The following CPSF7 variants were observed in gnomAD, a reference collection of about 807,000 sequenced individuals.
The protein encoded by CPSF7 is cleavage and polyadenylation specific factor 7.
In CPSF7, 1 loss-of-function variant was observed where a neutral mutation model predicts 44.3. The ratio of observed to expected loss-of-function variants is 0.02; its 90% CI spans 0.01 to 0.11. The LOEUF (loss-of-function observed/expected upper bound fraction) is 0.11, where lower values mean the gene tolerates loss of function less well. Ranked by LOEUF, CPSF7 falls within the 10% of genes least tolerant of loss-of-function variation. The pLI is 1.00. For synonymous variants in CPSF7, 202 were observed against 222.0 expected, an observed-to-expected ratio of 0.91 and a Z score of 0.80; for missense variants, 443 against 607.2, an observed-to-expected ratio of 0.73 and a Z score of 2.84.
intron 9 of CPSF7, 36 bp from the exon 10 acceptor site, chr11:61,404,740 A>C (rs1302873471): frequency 6.6e-6 from 1 of 152,260 alleles, no homozygotes; most frequent in East Asian, 1.9e-4. Flanking sequence ...GAAAGAAAAC[A>C]CAAGTTAGAG....
At position 61,421,485 on chromosome 11, in the gene CPSF7, A is replaced by G. The variant is rs1254532632; in HGVS notation, c.178T>C (p.Ser60Pro). The G allele has an allele frequency of 1.2e-6, 2 of 1,614,058 alleles. No individual in the cohort carries two copies. The highest frequency in any genetic ancestry group is 4.5e-5 in the East Asian group (2 of 44,858). The change falls in exon 3 of 10, where the codon TCT becomes CCT. Residue 60 changes from serine to proline, a missense_variant. Transcript: ENST00000439958. ...EPPPPVRQEP[S>P]PKPNNKTPAI... ...GGGGTCTTGTTGTTGGGCTTGGGAG[A>G]TGGCTCCTGGCGAACAGGAGGAGGT...
chr11:61,424,174 GGA>G (rs1428938721), intron 2 of CPSF7, among the ~76,000 whole-genome samples: 1 of 152,180 alleles, frequency 6.6e-6, no homozygotes, highest in African/African-American at 2.4e-5. Context: ...TAAAGAATGA[GGA>G]GAGAAGCTAA....
intron 2 of CPSF7, among the ~76,000 whole-genome samples, chr11:61,423,116 A>C (rs1484320056): frequency 6.7e-6 from 1 of 149,510 alleles, no homozygotes; most frequent in African/African-American, 2.4e-5. Flanking sequence ...AAAAAAAAAA[A>C]AAAAAAAAAA....
At chr11:61,415,201 G>A (rs1454879823) in intron 7 of CPSF7, among the ~76,000 whole-genome samples, 16 of 152,304 alleles carry the variant, frequency 1.1e-4, no homozygotes, top group Non-Finnish European at 2.9e-5. Flanking sequence ...TTGCACCACT[G>A]CACTCCAGCC....
At chr11:61,411,228 T>C (rs1329515886) in intron 8 of CPSF7, 123 bp from the exon 9 acceptor site, 2 of 965,044 alleles carry the variant, frequency 2.1e-6, no homozygotes, top group Non-Finnish European at 3.0e-6. Flanking sequence ...ATGGGCCTGC[T>C]GTCTGAGGAT....
Position 61,410,922 on chromosome 11 carries a change from C to T in CPSF7, c.*5+16G>A, listed in dbSNP as rs200407063. 116 of 1,558,884 alleles carry T rather than the reference C, an allele frequency of 7.4e-5. No individual in the cohort carries two copies. Among genetic ancestry groups the T allele is most frequent in the Admixed American group, 3.2e-4 (15 of 46,958 alleles). On this transcript the variant is annotated intron_variant, in intron 9 of 9. Coordinates refer to ENST00000439958, the MANE Select transcript of CPSF7 (RefSeq NM_001142565.3). The stretch of plus-strand genomic sequence containing the variant: ...TAAAAAATCCCCCAGCAGCCAGGAA[C>T]GGGGCTTCTCCCCACCTTTCTCAGT...
At chr11:61,429,843 C>T in intron 1 of CPSF7, 71 bp downstream of exon 1, 1 of 1,545,830 alleles carries the variant, frequency 6.5e-7, no homozygotes, top group Non-Finnish European at 8.7e-7. Context: ...CAACCGACCC[C>T]CTTCCCGCCT....
intron 2 of CPSF7, among the ~76,000 whole-genome samples, chr11:61,423,564 A>C (rs1247813166): frequency 6.6e-6 from 1 of 152,226 alleles, no homozygotes; most frequent in African/African-American, 2.4e-5. Flanking sequence ...AATGCTGCCA[A>C]AATGACAGAG....
At chr11:61,422,404 C>G (rs972567101) in intron 2 of CPSF7, among the ~76,000 whole-genome samples, 1 of 151,920 alleles carries the variant, frequency 6.6e-6, no homozygotes, top group Non-Finnish European at 1.5e-5. Context: ...GCTTCAACCT[C>G]CTGGGCTCAT....
Position 61,420,584 on chromosome 11 carries a change from C to T in CPSF7, c.274-11G>A. The stretch of plus-strand genomic sequence containing the variant: ...CTGGTCTGTGGTCCACTGGGGCCGG[C>T]AAGATGGAAAAGGAAGAGATGTCAA... On this transcript the variant is annotated splice_polypyrimidine_tract_variant and intron_variant, in intron 3 of 9. Transcript: ENST00000439958. 1.2e-6 allele frequency: 2 copies of T among 1,608,406 alleles called. No individual in the cohort carries two copies. Among genetic ancestry groups the T allele is most frequent in the Non-Finnish European group, 8.5e-7 (1 of 1,174,848 alleles).
In CPSF7 at chr11:61,411,935, C is replaced by A; in HGVS notation, c.1060G>T (p.Asp354Tyr). 1 of 1,614,002 alleles carries A rather than the reference C, an allele frequency of 6.2e-7. No individual in the cohort carries two copies. Among genetic ancestry groups the A allele is most frequent in the Non-Finnish European group, 8.5e-7 (1 of 1,179,896 alleles). Residue 354 changes from aspartate (D) to tyrosine (Y), a missense_variant and splice_region_variant, in exon 8 of 10, where the codon GAT (aspartate) becomes TAT (tyrosine). Physicochemically the swap from Asp to Tyr is radical, Grantham distance 160. Coordinates refer to ENST00000439958, the MANE Select transcript of CPSF7 (RefSeq NM_001142565.3). ...SKAVSGASAG[D>Y]YSDAIETLLT... ...AGCGTCTCAATTGCGTCACTGTAAT[C>A]CCCTGATAAAGGATGAAGGAGAAAG...
intron 8 of CPSF7, 129 bp downstream of exon 8, chr11:61,411,640 C>CT: frequency 1.4e-6 from 1 of 724,104 alleles, no homozygotes; most frequent in Non-Finnish European, 2.2e-6. Context: ...CCCAAAAAGA[C>CT]ATGAAGGCTA....
At chr11:61,409,008 A>G (rs1316576880) in intron 9 of CPSF7, among the ~76,000 whole-genome samples, 1 of 151,206 alleles carries the variant, frequency 6.6e-6, no homozygotes, top group Non-Finnish European at 1.5e-5. Flanking sequence ...GCAAGACTCT[A>G]CAAAAAATTT....
Position 61,429,223 on chromosome 11 carries a change from C to T in CPSF7, c.13G>A (p.Val5Met), listed in dbSNP as rs1464228185. MSEG[V>M]DLIDIYADEE... ...TCAGCATATATATCAATCAAGTCCA[C>T]TCCTTCTGACATGGCTCCGGAAGGA... Residue 5 changes from valine (V) to methionine (M), a missense_variant, in exon 2 of 10, where the codon GTG (valine) becomes ATG (methionine). Val to Met is a conservative substitution (Grantham distance 21, BLOSUM62 1). Coordinates refer to ENST00000439958, the MANE Select transcript of CPSF7 (RefSeq NM_001142565.3). The T allele has an allele frequency of 1.2e-6, 2 of 1,613,414 alleles. No individual in the cohort carries two copies. The highest frequency in any genetic ancestry group is 1.7e-6 in the Non-Finnish European group (2 of 1,179,410).
Position 61,416,426 on chromosome 11 carries a change from A to G in CPSF7, c.617T>C (p.Val206Ala), listed in dbSNP as rs1203357514. Residue 206 changes from valine to alanine, a missense_variant, in exon 6 of 10, where the codon GTG becomes GCG. Val to Ala is a moderately conservative substitution (Grantham distance 64). Transcript: ENST00000439958. Reference protein sequence around the residue: ...SENLVPSSARVDKPPSVLPYF... With the variant: ...SENLVPSSARADKPPSVLPYF... ...GGGCAGCACACTGGGGGGCTTATCC[A>G]CACGAGCAGATGAGGGTACAAGGTT... The G allele has an allele frequency of 1.2e-6, 2 of 1,613,984 alleles. No individual in the cohort carries two copies. The highest frequency in any genetic ancestry group is 1.7e-6 in the Non-Finnish European group (2 of 1,180,004).
At chr11:61,415,629 G>A (rs757996507) in intron 7 of CPSF7, 37 bp downstream of exon 7, 11 of 1,357,948 alleles carry the variant, frequency 8.1e-6, no homozygotes, top group South Asian at 2.3e-5. Flanking sequence ...AAAAGTAAAG[G>A]TTAAGGAGAA....
At chr11:61,422,636 A>G (rs1019474122) in intron 2 of CPSF7, among the ~76,000 whole-genome samples, 4 of 152,310 alleles carry the variant, frequency 2.6e-5, no homozygotes, top group South Asian at 4.1e-4. Flanking sequence ...GATATACAAA[A>G]AACAGTTAAA....
At chr11:61,413,473 A>C (rs940937784) in intron 7 of CPSF7, among the ~76,000 whole-genome samples, 1 of 152,020 alleles carries the variant, frequency 6.6e-6, no homozygotes, top group Non-Finnish European at 1.5e-5. Flanking sequence ...TCTACTAAAA[A>C]TACAAAAACT....
At position 61,416,502 on chromosome 11, in the gene CPSF7, G is replaced by C. The variant is rs745688054; in HGVS notation, c.541C>G (p.His181Asp). ...QARKRIPPRAHSRDSSDSADG... is the reference protein window; with the variant it reads ...QARKRIPPRADSRDSSDSADG... ...GCAGAATCACTAGAATCTCGGGAAT[G>C]GGCCCGTGGAGGTATTCCTATGAAG... Residue 181 changes from histidine (H) to aspartate (D), a missense_variant, in exon 6 of 10, where the codon CAT becomes GAT. Physicochemically the swap from His to Asp is moderately conservative, Grantham distance 81. Coordinates refer to ENST00000439958, the MANE Select transcript of CPSF7 (RefSeq NM_001142565.3). 6.2e-7 allele frequency: 1 copy of C among 1,614,126 alleles called. No individual in the cohort carries two copies. The highest frequency in any genetic ancestry group is 1.7e-5 in the Admixed American group (1 of 60,016).
Sources: allele counts gnomAD v4.1 joint callset (sites outside exome capture counted in the v4.1 genomes callset), GRCh38; gene constraint gnomAD v4.1.1; transcripts MANE v1.5; gene names NCBI Gene and HGNC (gene_info 2026-07-23, HGNC 2026-07-21).